Variants in SMAD6 observed in about 807,000 individuals in gnomAD.
SMAD6 encodes the protein SMAD family member 6, also known as MAD homolog 6.
SMAD6 carries 103 observed loss-of-function variants against 39.4 expected under a neutral mutation model. The ratio of observed to expected loss-of-function variants is 2.62; its 90% CI spans 2.23 to 3.08. SMAD6 has a LOEUF of 3.08. Among genes scored for constraint, SMAD6 ranks in the 30% most tolerant of loss-of-function variants. SMAD6 has a pLI of 0.00. For synonymous variants in SMAD6, 445 were observed against 353.3 expected, an observed-to-expected ratio of 1.26 and a Z score of -2.91; for missense variants, 1,104 against 742.9, an observed-to-expected ratio of 1.49 and a Z score of -5.65.
intron 3 of SMAD6, among the ~76,000 whole-genome samples, chr15:66,745,853 A>G (rs573661459): frequency 6.6e-6 from 1 of 152,316 alleles, no homozygotes; most frequent in Admixed American, 6.5e-5. Context: ...TTTCTAGATA[A>G]GAACCACATG....
intron 3 of SMAD6, among the ~76,000 whole-genome samples, chr15:66,744,644 C>T (rs7161970): frequency 0.29 from 44,651 of 152,178 alleles, 6,854 homozygotes; most frequent in East Asian, 0.44. Context: ...CTGGCTACAC[C>T]CCCTAAGCCT....
chr15:66,739,378 C>T (rs569948210), intron 3 of SMAD6, among the ~76,000 whole-genome samples: 15 of 151,648 alleles, frequency 9.9e-5, no homozygotes, highest in African/African-American at 2.9e-4. Flanking sequence ...TGTGAGCCAC[C>T]GTGCCTGGCC....
chr15:66,719,434 G>T (rs1398225686), intron 3 of SMAD6, among the ~76,000 whole-genome samples: 1 of 152,048 alleles, frequency 6.6e-6, no homozygotes, highest in Non-Finnish European at 1.5e-5. Context: ...ACCACCCAGA[G>T]ATCACACCAC....
Position 66,715,998 on chromosome 15 carries a change from G to A in SMAD6, c.875-423G>A, listed in dbSNP as rs1286190954. Among the ~76,000 whole-genome samples, 3 of 150,306 alleles carry A rather than the reference G, an allele frequency of 2.0e-5. No homozygotes were observed. The East Asian group carries it at 5.9e-4, about 30-fold the overall frequency. ...CTAGCGGGAGGGAGGAAGGAAGGAA[G>A]GAAGAAAGGAAGGAAGGAAGCAAGA... On this transcript the variant is annotated intron_variant, in intron 2 of 3. Transcript: ENST00000288840.
chr15:66,750,592 C>A (rs78817063), intron 3 of SMAD6, among the ~76,000 whole-genome samples: 7,062 of 149,940 alleles, frequency 0.047, 204 homozygotes, highest in South Asian at 0.13. Flanking sequence ...AGGAGCAGAC[C>A]TCGCACCAAA....
At position 66,742,736 on chromosome 15, in the gene SMAD6, G is replaced by A. The variant is rs74937734; in HGVS notation, c.952+26238G>A. Among the ~76,000 whole-genome samples, 201 of 152,232 alleles carry A rather than the reference G, an allele frequency of 1.3e-3. 4 individuals are homozygous for A. The East Asian group carries it at 0.033, about 25-fold the overall frequency. On this transcript the variant is annotated intron_variant, in intron 3 of 3. Coordinates refer to ENST00000288840, the MANE Select transcript of SMAD6 (RefSeq NM_005585.5). ...GGTCACCACCAGCATTTCTGACCCT[G>A]TCCACAATCAGCACCCATTCCCAGG...
chr15:66,778,360 C>T (rs989585982), intron 3 of SMAD6, among the ~76,000 whole-genome samples: 1 of 152,168 alleles, frequency 6.6e-6, no homozygotes, highest in Non-Finnish European at 1.5e-5. Context: ...CAGCCAGAAA[C>T]CTTTTGGAAG....
chr15:66,746,109 G>C (rs187068872), intron 3 of SMAD6, among the ~76,000 whole-genome samples: 1 of 152,210 alleles, frequency 6.6e-6, no homozygotes, highest in East Asian at 1.9e-4. Flanking sequence ...GCTGGCACTG[G>C]GCTCACCAGC....
At chr15:66,739,395 A>G (rs1486549656) in intron 3 of SMAD6, among the ~76,000 whole-genome samples, 1 of 152,164 alleles carries the variant, frequency 6.6e-6, no homozygotes, top group African/African-American at 2.4e-5. Context: ...GGCCTTACCC[A>G]GGCCTTCTAA....
At chr15:66,778,521 C>T (rs1232833370) in intron 3 of SMAD6, among the ~76,000 whole-genome samples, 1 of 152,244 alleles carries the variant, frequency 6.6e-6, no homozygotes, top group South Asian at 2.1e-4. Flanking sequence ...AGCAGTGACC[C>T]CTCCCTTAGT....
Position 66,703,895 on chromosome 15 carries a change from C to G in SMAD6, c.637C>G (p.Leu213Val), listed in dbSNP as rs1446972501. The G allele has an allele frequency of 6.9e-6, 9 of 1,298,196 alleles. No individual in the cohort carries two copies. Among genetic ancestry groups the G allele is most frequent in the Non-Finnish European group, 6.8e-6 (7 of 1,026,240 alleles). The allele number at this position is 1,298,196 out of a possible 1,614,324, so 80.4% of individuals were successfully genotyped here. Residue 213 changes from leucine to valine, a missense_variant, in exon 1 of 4, where the codon CTC (leucine) becomes GTC (valine). Coordinates refer to ENST00000288840, the MANE Select transcript of SMAD6 (RefSeq NM_005585.5). ...CTGCGTGCTGGTGCCGCGCGCCGAC[C>G]TCCGCCTGGGCGGCCAGCCCGCGCC... ...GGCVLVPRADLRLGGQPAPPQ... is the reference protein window; with the variant it reads ...GGCVLVPRADVRLGGQPAPPQ...
chr15:66,728,249 TC>T (rs1893557739), intron 3 of SMAD6, among the ~76,000 whole-genome samples: 1 of 152,124 alleles, frequency 6.6e-6, no homozygotes, highest in Non-Finnish European at 1.5e-5. Context: ...CACTCCTCAC[TC>T]CCCAAGTGTA....
chr15:66,709,772 CCTT>C (rs899289894), intron 1 of SMAD6, among the ~76,000 whole-genome samples: 5 of 152,214 alleles, frequency 3.3e-5, no homozygotes, highest in South Asian at 2.1e-4. Context: ...GCCACAGTCT[CCTT>C]CTCTGTACAG....
At chr15:66,704,365 G>A in intron 1 of SMAD6, 1 of 301,176 alleles carries the variant, frequency 3.3e-6, no homozygotes, top group East Asian at 5.4e-5. Flanking sequence ...AACTTCATAG[G>A]CAGTGAAAGG....
intron 3 of SMAD6, among the ~76,000 whole-genome samples, chr15:66,732,955 C>T (rs1893655597): frequency 6.6e-6 from 1 of 151,734 alleles, no homozygotes. Context: ...TTAGGTTTTA[C>T]ATTTAGGTTT....
chr15:66,754,071 C>T (rs1199647769), intron 3 of SMAD6, among the ~76,000 whole-genome samples: 1 of 152,212 alleles, frequency 6.6e-6, no homozygotes, highest in Non-Finnish European at 1.5e-5. Context: ...ATAGTAAGTG[C>T]TCCATGAATG....
chr15:66,721,678 T>G (rs1032195490), intron 3 of SMAD6, among the ~76,000 whole-genome samples: 3 of 152,184 alleles, frequency 2.0e-5, no homozygotes, highest in Admixed American at 2.0e-4. Context: ...ATGATGCCTG[T>G]GAGTCAGCCA....
chr15:66,756,444 T>C (rs1454605079), intron 3 of SMAD6, among the ~76,000 whole-genome samples: 1 of 152,240 alleles, frequency 6.6e-6, no homozygotes, highest in African/African-American at 2.4e-5. Flanking sequence ...TTTTTGCAGA[T>C]GTTGATTTAA....
intron 3 of SMAD6, among the ~76,000 whole-genome samples, chr15:66,760,886 T>C (rs1595793053): frequency 6.6e-6 from 1 of 151,954 alleles, no homozygotes; most frequent in Admixed American, 6.5e-5. Flanking sequence ...GCTAACTCCC[T>C]CCCCACCATG....
Sources: allele counts gnomAD v4.1 joint callset (sites outside exome capture counted in the v4.1 genomes callset), GRCh38; gene constraint gnomAD v4.1.1; transcripts MANE v1.5; gene names NCBI Gene and HGNC (gene_info 2026-07-23, HGNC 2026-07-21).